The following CNTN4 variants were observed in gnomAD, a reference collection of about 807,000 sequenced individuals.
CNTN4 encodes contactin 4, also known as contactin-4.
Under a neutral mutation model 122.5 loss-of-function variants are expected in CNTN4, and 77 were observed. That is an observed-to-expected ratio of 0.63 (90% CI 0.52 to 0.76). The LOEUF (loss-of-function observed/expected upper bound fraction) is 0.76. Ranked by LOEUF, CNTN4 falls within the 30% of genes least tolerant of loss-of-function variation. The pLI is 0.00. For synonymous variants in CNTN4, 512 were observed against 447.0 expected (o/e 1.15, Z -1.83); for missense variants, 1,256 against 1,259.1 (o/e 1.00, Z 0.04).
intron 3 of CNTN4, among the ~76,000 whole-genome samples, chr3:2,356,666 A>G (rs2044886120): frequency 6.6e-6 from 1 of 152,018 alleles, no homozygotes; most frequent in East Asian, 1.9e-4. Flanking sequence ...AGAATGCCCA[A>G]CCTCCTGGGA....
At chr3:3,044,446 A>T (rs1461561317) in intron 23 of CNTN4, among the ~76,000 whole-genome samples, 1 of 152,160 alleles carries the variant, frequency 6.6e-6, no homozygotes, top group Non-Finnish European at 1.5e-5. Context: ...CTTGGATGGG[A>T]TAGGTGGGAA....
intron 13 of CNTN4, chr3:2,927,221 C>G (rs2094481193): frequency 2.3e-6 from 1 of 428,968 alleles, no homozygotes; most frequent in East Asian, 7.2e-5. Context: ...TCAGGAGAAG[C>G]TAAGCTATGC....
At chr3:2,868,025 T>C (rs989190712) in intron 8 of CNTN4, among the ~76,000 whole-genome samples, 4 of 152,162 alleles carry the variant, frequency 2.6e-5, no homozygotes, top group African/African-American at 9.7e-5. Flanking sequence ...GTTGTAGACA[T>C]GTTCAGGTTT....
chr3:2,891,995 A>G (rs911937083), intron 10 of CNTN4, among the ~76,000 whole-genome samples: 1 of 152,210 alleles, frequency 6.6e-6, no homozygotes, highest in Non-Finnish European at 1.5e-5. Flanking sequence ...GACTTGAGAT[A>G]TATTTTGGAG....
intron 4 of CNTN4, among the ~76,000 whole-genome samples, chr3:2,655,804 A>G (rs2150235052): frequency 6.6e-6 from 1 of 152,328 alleles, no homozygotes; most frequent in South Asian, 2.1e-4. Flanking sequence ...TGAAACAAAC[A>G]TGGAAATCAC....
At chr3:2,977,568 G>T (rs1417554793) in intron 13 of CNTN4, among the ~76,000 whole-genome samples, 1 of 151,932 alleles carries the variant, frequency 6.6e-6, no homozygotes, top group East Asian at 2.0e-4. Context: ...TGGGGAAAAG[G>T]CCAAGCCTTC....
At chr3:2,999,616 G>C (rs1464661935) in intron 14 of CNTN4, among the ~76,000 whole-genome samples, 1 of 152,080 alleles carries the variant, frequency 6.6e-6, no homozygotes, top group African/African-American at 2.4e-5. Flanking sequence ...GTGTCCAGAG[G>C]GGAGGAACAT....
chr3:2,366,174 G>A (rs980067628), intron 3 of CNTN4, among the ~76,000 whole-genome samples: 4 of 152,112 alleles, frequency 2.6e-5, no homozygotes, highest in African/African-American at 4.8e-5. Context: ...TGTTTGGAAA[G>A]CCTCTTCATT....
intron 2 of CNTN4, among the ~76,000 whole-genome samples, chr3:2,205,232 A>C (rs1361417365): frequency 6.6e-6 from 1 of 150,786 alleles, no homozygotes; most frequent in African/African-American, 2.4e-5. Flanking sequence ...TTAATAATAA[A>C]AAGTTTTTTT....
At chr3:2,577,820 A>G (rs1386445673) in intron 4 of CNTN4, among the ~76,000 whole-genome samples, 1 of 152,214 alleles carries the variant, frequency 6.6e-6, no homozygotes. Flanking sequence ...GAATGAGCGC[A>G]GAAATTTATG....
rs551680218 is a variant in CNTN4, at chr3:2,247,965, A to G, written c.-144-91213A>G. ...CCTACATGGCTTGTTTTCTTTCTCT[A>G]GAAGAATAGCCGCACCCTCTCTGCA... On this transcript the variant is annotated intron_variant, in intron 2 of 24. Coordinates refer to ENST00000418658, the MANE Select transcript of CNTN4 (RefSeq NM_175607.3). 1.0e-3 allele frequency among the ~76,000 whole-genome samples: 158 copies of G among 151,938 alleles called. 2 individuals carry two copies. Among genetic ancestry groups the G allele is most frequent in the Middle Eastern group, 3.4e-3 (1 of 294 alleles).
chr3:2,323,283 A>G (rs1282446253), intron 2 of CNTN4, among the ~76,000 whole-genome samples: 2 of 152,114 alleles, frequency 1.3e-5, no homozygotes, highest in Admixed American at 6.6e-5. Flanking sequence ...CACAAACTCT[A>G]AATGGCCAGG....
rs375239842 is a variant in CNTN4 at position 2,953,805 on chromosome 3, C to T, written c.1358+28026C>T. ...GCTGGGCCTATTGATTTGGATGACA[C>T]GTGTTCTCTGAATCACCTAGAGGGA... On this transcript the variant is annotated intron_variant, in intron 13 of 24. Coordinates refer to ENST00000418658, the MANE Select transcript of CNTN4 (RefSeq NM_175607.3). Among the ~76,000 whole-genome samples the T allele has an allele frequency of 3.8e-4, 58 of 152,086 alleles. 2 individuals are homozygous for T. The highest frequency in any genetic ancestry group is 3.4e-3 in the Admixed American group (52 of 15,268).
intron 2 of CNTN4, among the ~76,000 whole-genome samples, chr3:2,103,133 C>G (rs1218686841): frequency 6.6e-6 from 1 of 151,476 alleles, no homozygotes; most frequent in Non-Finnish European, 1.5e-5. Context: ...AGTAGCAGAG[C>G]TGGGATCTGA....
intron 2 of CNTN4, among the ~76,000 whole-genome samples, chr3:2,180,722 T>C (rs1342994279): frequency 6.6e-6 from 1 of 152,084 alleles, no homozygotes; most frequent in African/African-American, 2.4e-5. Flanking sequence ...TGAAAGTCTG[T>C]TGACTATCAC....
chr3:2,215,442 C>T (rs2038795238), intron 2 of CNTN4, among the ~76,000 whole-genome samples: 1 of 152,206 alleles, frequency 6.6e-6, no homozygotes, highest in African/African-American at 2.4e-5. Flanking sequence ...CTGGTATATA[C>T]AGCCTCCTGA....
At chr3:2,687,892 CAGAG>C (rs775774498) in intron 4 of CNTN4, among the ~76,000 whole-genome samples, 2 of 152,086 alleles carry the variant, frequency 1.3e-5, no homozygotes, top group Non-Finnish European at 2.9e-5. Context: ...CAGTGAAACT[CAGAG>C]AGGCCTTGTT....
intron 3 of CNTN4, among the ~76,000 whole-genome samples, chr3:2,467,609 C>T (rs914633050): frequency 6.6e-6 from 1 of 152,028 alleles, no homozygotes; most frequent in African/African-American, 2.4e-5. Flanking sequence ...GTGATGATTA[C>T]ATAAAACAAT....
At chr3:2,780,891 C>T (rs1456979960) in intron 6 of CNTN4, among the ~76,000 whole-genome samples, 1 of 152,114 alleles carries the variant, frequency 6.6e-6, no homozygotes, top group Non-Finnish European at 1.5e-5. Context: ...GAATTCGTTG[C>T]TGATTGTAAA....
Sources: allele counts gnomAD v4.1 joint callset (sites outside exome capture counted in the v4.1 genomes callset), GRCh38; gene constraint gnomAD v4.1.1; transcripts MANE v1.5; gene names NCBI Gene and HGNC (gene_info 2026-07-23, HGNC 2026-07-21).